The following PMFBP1 variants were observed in gnomAD, a reference collection of about 807,000 sequenced individuals.
PMFBP1 encodes the protein polyamine-modulated factor 1-binding protein 1.
PMFBP1 carries 131 observed loss-of-function variants against 137.8 expected under a neutral mutation model. That is an observed-to-expected ratio of 0.95 (90% CI 0.82 to 1.10). The LOEUF is 1.10. PMFBP1 is among the 50% of genes least tolerant of loss of function. PMFBP1 has a pLI of 0.00. For synonymous variants in PMFBP1, 490 were observed against 450.4 expected, an observed-to-expected ratio of 1.09 and a Z score of -1.11; for missense variants, 1,199 against 1,175.4, an observed-to-expected ratio of 1.02 and a Z score of -0.29.
At chr16:72,186,394 C>G in the PMFBP1 span, among the ~76,000 whole-genome samples, 15 of 152,064 alleles carry the variant, frequency 9.9e-5, no homozygotes, top group Non-Finnish European at 1.5e-4. Context: ...ACTTTTGATT[C>G]TGACAGATGA....
chr16:72,175,182 T>C (rs1323960473), upstream of PMFBP1, among the ~76,000 whole-genome samples: 1 of 152,244 alleles, frequency 6.6e-6, no homozygotes, highest in Non-Finnish European at 1.5e-5. Flanking sequence ...ACTAAACCTA[T>C]CTGGGAATCT....
At chr16:72,242,867 T>C in the PMFBP1 span, among the ~76,000 whole-genome samples, 1 of 152,180 alleles carries the variant, frequency 6.6e-6, no homozygotes, top group African/African-American at 2.4e-5. Context: ...AGCATGTGTG[T>C]GTTTGTGTGC....
the PMFBP1 span, among the ~76,000 whole-genome samples, chr16:72,248,808 T>G: frequency 6.6e-6 from 1 of 152,178 alleles, no homozygotes; most frequent in African/African-American, 2.4e-5. Flanking sequence ...AATGTTTGAA[T>G]TAGTTTTAAT....
At chr16:72,196,009 GTGTGTGTGT>G in the PMFBP1 span, among the ~76,000 whole-genome samples, 6 of 151,962 alleles carry the variant, frequency 3.9e-5, no homozygotes, top group South Asian at 1.2e-3. Context: ...GTGTGTGTGT[GTGTGTGTGT>G]GTGTGTGTGT....
chr16:72,217,191 G>C, the PMFBP1 span, among the ~76,000 whole-genome samples: 1 of 151,992 alleles, frequency 6.6e-6, no homozygotes, highest in South Asian at 2.1e-4. Context: ...TGCTGGTAAG[G>C]GTTTAACAAC....
At chr16:72,193,418 T>C in the PMFBP1 span, among the ~76,000 whole-genome samples, 5 of 152,066 alleles carry the variant, frequency 3.3e-5, no homozygotes, top group Admixed American at 2.0e-4. Flanking sequence ...TAAATTTATA[T>C]GTATGAAAAA....
the PMFBP1 span, among the ~76,000 whole-genome samples, chr16:72,218,161 T>C: frequency 6.6e-6 from 1 of 152,292 alleles, no homozygotes; most frequent in Non-Finnish European, 1.5e-5. Flanking sequence ...TGCTCTTTTC[T>C]CAGGGAACCT....
chr16:72,235,494 CTT>C, the PMFBP1 span, among the ~76,000 whole-genome samples: 12,933 of 136,032 alleles, frequency 0.095, 1,480 homozygotes, highest in African/African-American at 0.29. Context: ...TTTGGCCATT[CTT>C]TTTTTTTTTT....
At chr16:72,233,499 T>C in the PMFBP1 span, among the ~76,000 whole-genome samples, 3 of 152,182 alleles carry the variant, frequency 2.0e-5, no homozygotes, top group African/African-American at 7.2e-5. Context: ...TGTGATGGGT[T>C]GGTAACTAAT....
chr16:72,151,283 C>T (rs1054613563), intron 4 of PMFBP1, among the ~76,000 whole-genome samples: 2 of 152,152 alleles, frequency 1.3e-5, no homozygotes, highest in African/African-American at 4.8e-5. Flanking sequence ...GGAACATGAC[C>T]CAAAGTTCCT....
At chr16:72,132,109 T>C (rs1330760224) in intron 10 of PMFBP1, among the ~76,000 whole-genome samples, 3 of 152,126 alleles carry the variant, frequency 2.0e-5, no homozygotes, top group African/African-American at 7.2e-5. Context: ...CCTCCAAAAG[T>C]GCTGGGATTA....
At chr16:72,120,172 T>G in intron 19 of PMFBP1, 83 bp from the exon 20 acceptor site, 1 of 1,599,416 alleles carries the variant, frequency 6.3e-7, no homozygotes, top group East Asian at 2.2e-5. Flanking sequence ...GATAAAGGTG[T>G]CACAGGGAAG....
chr16:72,190,192 T>C, the PMFBP1 span, among the ~76,000 whole-genome samples: 1 of 152,178 alleles, frequency 6.6e-6, no homozygotes, highest in Non-Finnish European at 1.5e-5. Flanking sequence ...ATAATCCTAA[T>C]CTCCTGACCT....
chr16:72,245,270 A>G, the PMFBP1 span, among the ~76,000 whole-genome samples: 1 of 152,254 alleles, frequency 6.6e-6, no homozygotes, highest in South Asian at 2.1e-4. Context: ...GCTAGGCACT[A>G]TTCTAAGCAC....
At chr16:72,177,135 C>T (rs2043261992), upstream of PMFBP1, among the ~76,000 whole-genome samples, 1 of 152,148 alleles carries the variant, frequency 6.6e-6, no homozygotes, top group Non-Finnish European at 1.5e-5. Flanking sequence ...ATCTTTGTTG[C>T]CATTATCATT....
the PMFBP1 span, among the ~76,000 whole-genome samples, chr16:72,204,739 C>T: frequency 4.6e-5 from 7 of 152,068 alleles, no homozygotes; most frequent in Non-Finnish European, 7.4e-5. Context: ...TTTGGGGGCC[C>T]TTCAAAGAAC....
intron 2 of PMFBP1, among the ~76,000 whole-genome samples, 176 bp from the exon 3 acceptor site, chr16:72,165,092 C>T (rs749745212): frequency 1.6e-4 from 24 of 152,182 alleles, no homozygotes; most frequent in Non-Finnish European, 3.4e-4. Flanking sequence ...AGGTGTCTGA[C>T]CGTTCTGCAT....
At chr16:72,240,093 A>T in the PMFBP1 span, among the ~76,000 whole-genome samples, 1 of 152,158 alleles carries the variant, frequency 6.6e-6, no homozygotes, top group South Asian at 2.1e-4. Context: ...TTAGTCCAAT[A>T]GGAGGGAGGA....
At chr16:72,174,440 C>T (rs1424523208), upstream of PMFBP1, among the ~76,000 whole-genome samples, 1 of 152,100 alleles carries the variant, frequency 6.6e-6, no homozygotes, top group Non-Finnish European at 1.5e-5. Flanking sequence ...TTTTGAGGTC[C>T]CAGTTTGGAT....
Sources: allele counts gnomAD v4.1 joint callset (sites outside exome capture counted in the v4.1 genomes callset), GRCh38; gene constraint gnomAD v4.1.1; transcripts MANE v1.5; gene names NCBI Gene and HGNC (gene_info 2026-07-23, HGNC 2026-07-21).